The following CHST11 variants were observed in gnomAD, a reference collection of about 807,000 sequenced individuals.
The protein encoded by CHST11 is carbohydrate sulfotransferase 11, also known as C4S-1.
CHST11 carries 9 observed loss-of-function variants against 30.4 expected under a neutral mutation model. The observed-to-expected ratio is 0.30, with a 90% CI of 0.18 to 0.52. The LOEUF (loss-of-function observed/expected upper bound fraction) is 0.52, where lower values mean the gene tolerates loss of function less well. CHST11 is among the 20% of genes least tolerant of loss of function. CHST11 has a pLI of 0.97. For synonymous variants in CHST11, 152 were observed against 187.8 expected, an observed-to-expected ratio of 0.81 and a Z score of 1.56; for missense variants, 348 against 460.6, an observed-to-expected ratio of 0.76 and a Z score of 2.24.
At chr12:104,477,312 C>G (rs962354004) in intron 1 of CHST11, among the ~76,000 whole-genome samples, 4 of 152,136 alleles carry the variant, frequency 2.6e-5, no homozygotes, top group Non-Finnish European at 5.9e-5. Context: ...TAAAGTAACC[C>G]AGCTAGTAGT....
At chr12:104,754,849 T>A (rs537726205) in intron 2 of CHST11, among the ~76,000 whole-genome samples, 86 of 152,302 alleles carry the variant, frequency 5.6e-4, no homozygotes, top group African/African-American at 2.0e-3. Flanking sequence ...GGTATAAAAA[T>A]TTTTAGTGGC....
chr12:104,666,503 G>T (rs975903860), intron 2 of CHST11, among the ~76,000 whole-genome samples: 1 of 152,182 alleles, frequency 6.6e-6, no homozygotes, highest in Non-Finnish European at 1.5e-5. Context: ...TTGTTCTTGG[G>T]ACTCTGTGTT....
chr12:104,562,193 C>T (rs901984125), intron 1 of CHST11, among the ~76,000 whole-genome samples: 7 of 152,066 alleles, frequency 4.6e-5, no homozygotes, highest in African/African-American at 7.3e-5. Flanking sequence ...GGAATTGATT[C>T]GCAGAAATAC....
intron 2 of CHST11, among the ~76,000 whole-genome samples, chr12:104,653,635 C>T (rs1566024189): frequency 6.6e-6 from 1 of 152,192 alleles, no homozygotes; most frequent in Non-Finnish European, 1.5e-5. Context: ...TTTACTGGGC[C>T]CTTACCATGT....
intron 1 of CHST11, among the ~76,000 whole-genome samples, chr12:104,572,331 A>G (rs2038636330): frequency 1.3e-5 from 2 of 151,748 alleles, no homozygotes; most frequent in African/African-American, 4.8e-5. Context: ...TCGGCTGTGA[A>G]TCCGTCTGGT....
chr12:104,670,505 A>G (rs199672146), intron 2 of CHST11, among the ~76,000 whole-genome samples: 2 of 147,902 alleles, frequency 1.4e-5, no homozygotes, highest in Non-Finnish European at 3.0e-5. Context: ...ATACACACTC[A>G]CACAAACACA....
At chr12:104,627,308 G>A (rs539181401) in intron 2 of CHST11, among the ~76,000 whole-genome samples, 49 of 152,256 alleles carry the variant, frequency 3.2e-4, no homozygotes, top group South Asian at 8.3e-4. Flanking sequence ...ACATCCATGC[G>A]CAGGTTTTTT....
chr12:104,519,685 A>G (rs2038057837), intron 1 of CHST11, among the ~76,000 whole-genome samples: 1 of 152,078 alleles, frequency 6.6e-6, no homozygotes, highest in South Asian at 2.1e-4. Context: ...ATGGATAATT[A>G]CTGGTTGAGG....
chr12:104,712,139 G>A (rs903655056), intron 2 of CHST11, among the ~76,000 whole-genome samples: 1 of 152,152 alleles, frequency 6.6e-6, no homozygotes, highest in Non-Finnish European at 1.5e-5. Context: ...CAGAAGGCGC[G>A]GGGTGAGCAT....
At chr12:104,495,186 T>C (rs557756086) in intron 1 of CHST11, among the ~76,000 whole-genome samples, 4 of 152,360 alleles carry the variant, frequency 2.6e-5, no homozygotes, top group African/African-American at 9.6e-5. Flanking sequence ...ATTCATTGTA[T>C]GTGTACACCA....
chr12:104,610,069 GTGTGTGTGTGTGTGTGTGTGTGTGTGTC>G (rs2039044787), intron 2 of CHST11, among the ~76,000 whole-genome samples: 1 of 150,124 alleles, frequency 6.7e-6, no homozygotes, highest in African/African-American at 2.4e-5. Flanking sequence ...GTGTGTGTGT[GTGTGTGTGTGTGTGTGTGTGTGTGTGTC>G]TGTGGTATGT....
At chr12:104,505,471 G>A (rs2037896275) in intron 1 of CHST11, among the ~76,000 whole-genome samples, 1 of 152,292 alleles carries the variant, frequency 6.6e-6, no homozygotes, top group East Asian at 1.9e-4. Flanking sequence ...TGGCCTGAGA[G>A]TCTGTATTTC....
chr12:104,718,896 G>A (rs555758487), intron 2 of CHST11, among the ~76,000 whole-genome samples: 36 of 152,352 alleles, frequency 2.4e-4, no homozygotes, highest in African/African-American at 7.9e-4. Context: ...GGTTCTTGAG[G>A]AGCAAGGCAG....
rs556566139 is a variant in CHST11 at position 104,686,725 on chromosome 12, G to A, written c.205-70224G>A. The stretch of plus-strand genomic sequence containing the variant: ...TGCAGTGGCGCGATCTCAGCTCACC[G>A]TAACCTCCGCCTCCCAGGCTCAAGC... On this transcript the variant is annotated intron_variant, in intron 2 of 2. Transcript: ENST00000303694. Among the ~76,000 whole-genome samples, 154 of 152,258 alleles carry A rather than the reference G, an allele frequency of 1.0e-3. 1 individual carries two copies. The highest frequency in any genetic ancestry group is 3.4e-3 in the African/African-American group (140 of 41,558).
chr12:104,679,419 C>T (rs1335576505), intron 2 of CHST11, among the ~76,000 whole-genome samples: 1 of 152,154 alleles, frequency 6.6e-6, no homozygotes, highest in African/African-American at 2.4e-5. Context: ...GCCCCGGAGC[C>T]TCCGCGTCCT....
At chr12:104,667,723 C>T (rs1346760280) in intron 2 of CHST11, among the ~76,000 whole-genome samples, 1 of 152,178 alleles carries the variant, frequency 6.6e-6, no homozygotes, top group Admixed American at 6.5e-5. Flanking sequence ...AAGTCATGGA[C>T]CTACCTCAGG....
chr12:104,703,797 C>T (rs1329852830), intron 2 of CHST11, among the ~76,000 whole-genome samples: 5 of 152,246 alleles, frequency 3.3e-5, no homozygotes, highest in Non-Finnish European at 5.9e-5. Flanking sequence ...TTGCTGTCAA[C>T]GCTGCCTGTA....
At chr12:104,627,176 G>A (rs760390014) in intron 2 of CHST11, among the ~76,000 whole-genome samples, 5 of 152,018 alleles carry the variant, frequency 3.3e-5, no homozygotes, top group South Asian at 2.1e-4. Flanking sequence ...TTGATGGCTC[G>A]TTTCTTTTTA....
At chr12:104,710,451 C>G (rs556490513) in intron 2 of CHST11, among the ~76,000 whole-genome samples, 2 of 152,122 alleles carry the variant, frequency 1.3e-5, no homozygotes, top group Non-Finnish European at 2.9e-5. Context: ...TTCCCGCTTG[C>G]GGTTCCCAAC....
Sources: gnomAD v4.1 joint callset for allele counts (sites outside exome capture counted in the v4.1 genomes callset) on GRCh38, gnomAD v4.1.1 for gene constraint, MANE v1.5 for transcripts, NCBI Gene and HGNC (gene_info 2026-07-23, HGNC 2026-07-21) for gene names.